PALM2AKAP2: variants seen among roughly 807,000 people sequenced by gnomAD.
The protein encoded by PALM2AKAP2 is PALM2 and AKAP2 fusion, also known as PALM2-AKAP2 fusion protein.
Under a neutral mutation model 71.5 loss-of-function variants are expected in PALM2AKAP2, and 37 were observed. The ratio of observed to expected loss-of-function variants is 0.52; its 90% CI spans 0.40 to 0.68. The LOEUF (loss-of-function observed/expected upper bound fraction) is 0.68. Among genes scored for constraint, PALM2AKAP2 ranks in the 30% least tolerant of loss-of-function variants. The pLI is 0.00. For missense variants in PALM2AKAP2, 1,224 were observed against 1,191.8 expected, an observed-to-expected ratio of 1.03 and a Z score of -0.40; for synonymous variants, 468 against 478.8, an observed-to-expected ratio of 0.98 and a Z score of 0.29.
At chr9:110,042,233 C>G (rs1255970446) in intron 7 of PALM2AKAP2, among the ~76,000 whole-genome samples, 2 of 152,166 alleles carry the variant, frequency 1.3e-5, no homozygotes, top group Non-Finnish European at 2.9e-5. Context: ...TTGAGACCAG[C>G]CTGATCAACA....
At chr9:109,789,767 C>T (rs895901775) in intron 1 of PALM2AKAP2, among the ~76,000 whole-genome samples, 9 of 152,070 alleles carry the variant, frequency 5.9e-5, no homozygotes, top group African/African-American at 1.9e-4. Context: ...CAGGAAATGC[C>T]GGCAGGAGCA....
intron 1 of PALM2AKAP2, among the ~76,000 whole-genome samples, chr9:110,122,755 G>A (rs552153962): frequency 2.0e-5 from 3 of 152,290 alleles, no homozygotes; most frequent in East Asian, 3.9e-4. Context: ...TTCCCCCAGG[G>A]CAAGGCACCC....
intron 1 of PALM2AKAP2, among the ~76,000 whole-genome samples, chr9:110,071,810 G>A (rs959711447): frequency 6.6e-6 from 1 of 152,210 alleles, no homozygotes; most frequent in East Asian, 1.9e-4. Context: ...AGGGTGATTT[G>A]GGAGATACTT....
At chr9:110,003,407 A>G (rs571318943) in intron 6 of PALM2AKAP2, among the ~76,000 whole-genome samples, 2 of 152,100 alleles carry the variant, frequency 1.3e-5, no homozygotes, top group African/African-American at 4.8e-5. Flanking sequence ...GTTTGTTATA[A>G]TTTCTATTCT....
At chr9:109,888,898 G>A (rs1301028056) in intron 3 of PALM2AKAP2, among the ~76,000 whole-genome samples, 1 of 151,996 alleles carries the variant, frequency 6.6e-6, no homozygotes, top group African/African-American at 2.4e-5. Flanking sequence ...TGGCTTCCAG[G>A]GGCACCATTG....
At chr9:109,987,232 G>T (rs1832395328) in intron 6 of PALM2AKAP2, among the ~76,000 whole-genome samples, 1 of 152,140 alleles carries the variant, frequency 6.6e-6, no homozygotes, top group Non-Finnish European at 1.5e-5. Flanking sequence ...CTGGATTCAA[G>T]TGACTCTTCT....
chr9:109,927,447 G>A (rs56007355), intron 5 of PALM2AKAP2, among the ~76,000 whole-genome samples: 66,095 of 151,990 alleles, frequency 0.43, 16,591 homozygotes, highest in East Asian at 0.74. Flanking sequence ...TTTCTGATGC[G>A]TGCAGATTAC....
At chr9:109,834,991 T>G (rs753655955) in intron 1 of PALM2AKAP2, among the ~76,000 whole-genome samples, 18 of 152,064 alleles carry the variant, frequency 1.2e-4, no homozygotes, top group African/African-American at 1.7e-4. Flanking sequence ...CAAACACACC[T>G]TCTACCGAAT....
At chr9:109,895,300 G>C (rs1265174378) in intron 3 of PALM2AKAP2, among the ~76,000 whole-genome samples, 1 of 152,202 alleles carries the variant, frequency 6.6e-6, no homozygotes, top group African/African-American at 2.4e-5. Context: ...GCTGGTCTTG[G>C]GGCTGCTCTG....
At chr9:109,972,058 A>G (rs1464415454) in intron 6 of PALM2AKAP2, among the ~76,000 whole-genome samples, 1 of 152,190 alleles carries the variant, frequency 6.6e-6, no homozygotes, top group Non-Finnish European at 1.5e-5. Flanking sequence ...CCTTGTAATC[A>G]AGTTCATTGT....
intron 1 of PALM2AKAP2, among the ~76,000 whole-genome samples, chr9:109,720,830 T>C (rs1469498342): frequency 6.6e-6 from 1 of 152,248 alleles, no homozygotes; most frequent in African/African-American, 2.4e-5. Flanking sequence ...ATTGATTCTT[T>C]CAATGAATGT....
chr9:109,904,430 T>C (rs567550554), intron 3 of PALM2AKAP2, among the ~76,000 whole-genome samples: 1 of 152,248 alleles, frequency 6.6e-6, no homozygotes. Flanking sequence ...AATTTTCTTA[T>C]GTGCTCAGGA....
intron 6 of PALM2AKAP2, among the ~76,000 whole-genome samples, chr9:109,968,072 T>A (rs2132141304): frequency 6.6e-6 from 1 of 152,298 alleles, no homozygotes; most frequent in East Asian, 1.9e-4. Context: ...AATGAATAAA[T>A]GAATGAATGA....
chr9:109,854,826 A>C (rs1003646353), intron 1 of PALM2AKAP2, among the ~76,000 whole-genome samples: 3 of 117,380 alleles, frequency 2.6e-5, no homozygotes, highest in Non-Finnish European at 4.8e-5. Flanking sequence ...GCTGGAGTGC[A>C]GTGGCACAAT....
intron 1 of PALM2AKAP2, among the ~76,000 whole-genome samples, chr9:110,093,283 G>C (rs953412741): frequency 6.6e-6 from 1 of 152,160 alleles, no homozygotes; most frequent in African/African-American, 2.4e-5. Flanking sequence ...CTGTTTACTG[G>C]ATGTGAGATG....
chr9:109,976,249 A>C (rs759501635), intron 6 of PALM2AKAP2, among the ~76,000 whole-genome samples: 12 of 152,256 alleles, frequency 7.9e-5, no homozygotes, highest in Non-Finnish European at 1.6e-4. Flanking sequence ...TATGCCAAGT[A>C]CTATCATTAG....
intron 1 of PALM2AKAP2, among the ~76,000 whole-genome samples, chr9:110,134,113 A>G (rs960083687): frequency 1.3e-5 from 2 of 151,872 alleles, no homozygotes; most frequent in African/African-American, 2.4e-5. Context: ...GCGAGACTCT[A>G]TCTCTACAAA....
intron 6 of PALM2AKAP2, among the ~76,000 whole-genome samples, chr9:110,004,904 A>T (rs1348622469): frequency 6.6e-6 from 1 of 152,040 alleles, no homozygotes; most frequent in Admixed American, 6.6e-5. Flanking sequence ...ACTTCTTTGC[A>T]TTGGTTATTC....
chr9:109,951,269 GCTTA>G (rs1831634841), intron 6 of PALM2AKAP2, among the ~76,000 whole-genome samples: 1 of 152,120 alleles, frequency 6.6e-6, no homozygotes, highest in Non-Finnish European at 1.5e-5. Context: ...AGCCTGTCGT[GCTTA>G]CTCTGAATTA....
Sources: gnomAD v4.1 joint callset for allele counts (sites outside exome capture counted in the v4.1 genomes callset) on GRCh38, gnomAD v4.1.1 for gene constraint, MANE v1.5 for transcripts, NCBI Gene and HGNC (gene_info 2026-07-23, HGNC 2026-07-21) for gene names.